The following WFDC1 variants were observed in gnomAD, a reference collection of about 807,000 sequenced individuals.
WFDC1 encodes the protein WAP four-disulfide core domain protein 1.
Under a neutral mutation model 32.9 loss-of-function variants are expected in WFDC1, and 39 were observed. The ratio of observed to expected loss-of-function variants is 1.19; its 90% CI spans 0.92 to 1.55. The LOEUF (loss-of-function observed/expected upper bound fraction) is 1.55. WFDC1 is among the 40% of genes most tolerant of loss of function. The pLI is 0.00. For missense variants in WFDC1, 386 were observed against 309.5 expected (o/e 1.25, Z -1.85); for synonymous variants, 184 against 137.4 (o/e 1.34, Z -2.37).
In WFDC1 at chr16:84,319,527, G is replaced by T; in HGVS notation, c.518G>T (p.Gly173Val). 6 of 1,613,092 alleles carry T rather than the reference G, an allele frequency of 3.7e-6. No individual in the cohort carries two copies. Among genetic ancestry groups the T allele is most frequent in the Non-Finnish European group, 4.2e-6 (5 of 1,179,940 alleles). The part of the protein sequence containing the change: ...HILSPGDVAE[G>V]IPNRGQCVKQ... Reference sequence around the variant, plus strand: ...CTGAGCCCAGGTGACGTGGCCGAAGGTATCCCCAACCGTGGGCAGTGCGTC... The same window carrying T: ...CTGAGCCCAGGTGACGTGGCCGAAGTTATCCCCAACCGTGGGCAGTGCGTC... Residue 173 changes from glycine (G) to valine (V), a missense_variant, in exon 4 of 7, where the codon GGT becomes GTT. Physicochemically the swap from Gly to Val is moderately radical, Grantham distance 109. Transcript: ENST00000219454.
chr16:84,298,386 C>T (rs1906735610), intron 1 of WFDC1, among the ~76,000 whole-genome samples: 1 of 152,166 alleles, frequency 6.6e-6, no homozygotes, highest in South Asian at 2.1e-4. Context: ...TGAGCCACCG[C>T]ACCCAGCCAG....
chr16:84,307,486 A>G (rs929515649), intron 1 of WFDC1, among the ~76,000 whole-genome samples: 1 of 152,180 alleles, frequency 6.6e-6, no homozygotes, highest in Non-Finnish European at 1.5e-5. Context: ...TGTTCTCTCC[A>G]AATTCTGAGA....
chr16:84,311,909 T>C (rs1022022374), intron 1 of WFDC1, among the ~76,000 whole-genome samples: 41 of 152,060 alleles, frequency 2.7e-4, no homozygotes, highest in African/African-American at 8.9e-4. Flanking sequence ...CTCACACCTG[T>C]AATCCCAGCA....
At chr16:84,327,083 AT>A in intron 6 of WFDC1, 128 bp downstream of exon 6, 1 of 894,218 alleles carries the variant, frequency 1.1e-6, no homozygotes, top group Non-Finnish European at 1.8e-6. Context: ...AGAATTTGAA[AT>A]TCCCTTCTGC....
intron 5 of WFDC1, among the ~76,000 whole-genome samples, chr16:84,324,756 C>G (rs1177923065): frequency 1.3e-5 from 2 of 152,130 alleles, no homozygotes; most frequent in Non-Finnish European, 2.9e-5. Context: ...TACCACTCTT[C>G]CATTCATCCA....
At chr16:84,316,235 A>T (rs191948480) in intron 2 of WFDC1, 1 of 152,204 alleles carries the variant, frequency 6.6e-6, no homozygotes, top group Non-Finnish European at 1.5e-5. Context: ...CTGCTGTTCC[A>T]ACTTCCATGT....
At chr16:84,301,198 G>A (rs1235569833) in intron 1 of WFDC1, among the ~76,000 whole-genome samples, 2 of 152,172 alleles carry the variant, frequency 1.3e-5, no homozygotes, top group African/African-American at 4.8e-5. Flanking sequence ...CAGACACCTG[G>A]ATCTCAGCCT....
At chr16:84,326,239 C>G (rs1407604217) in intron 5 of WFDC1, 1 of 152,030 alleles carries the variant, frequency 6.6e-6, no homozygotes, top group Non-Finnish European at 1.5e-5. Context: ...CATCATTTAT[C>G]CATTCACCCA....
intron 1 of WFDC1, chr16:84,295,323 G>A (rs2064040377): frequency 1.7e-6 from 1 of 580,054 alleles, no homozygotes; most frequent in Admixed American, 3.6e-5. Context: ...GAATCAAGAG[G>A]CAAAAGACAC....
At chr16:84,314,335 G>A (rs929288572) in intron 2 of WFDC1, among the ~76,000 whole-genome samples, 1 of 152,178 alleles carries the variant, frequency 6.6e-6, no homozygotes, top group East Asian at 1.9e-4. Context: ...ATGTGCCCTT[G>A]GGTGGGGAAA....
chr16:84,298,552 C>G (rs1567649050), intron 1 of WFDC1, among the ~76,000 whole-genome samples: 1 of 152,190 alleles, frequency 6.6e-6, no homozygotes, highest in Non-Finnish European at 1.5e-5. Context: ...AGTGGCCTCA[C>G]GTGGGTTGCC....
Position 84,318,910 on chromosome 16 carries a change from T to TTG in WFDC1, c.422-490_422-489dup, listed in dbSNP as rs58546650. 109 of 165,698 alleles carry TTG rather than the reference T, an allele frequency of 6.6e-4. 1 individual carries two copies. The highest frequency in any genetic ancestry group is 2.1e-3 in the African/African-American group (85 of 41,406). The allele number at this position is 165,698 out of a possible 1,614,324, so 10.3% of individuals were successfully genotyped here. A position where few individuals can be genotyped will look rare whatever the true frequency, so the allele number is the denominator to read the frequency against. On this transcript the variant is annotated intron_variant, in intron 3 of 6. Transcript: ENST00000219454. ...TGTCCTTGTGCCTGTGGCTGAATAT[T>TTG]TGTGTGTGTGTGTGTGTGTGTGTGT...
At chr16:84,323,994 C>T (rs554800426) in intron 4 of WFDC1, among the ~76,000 whole-genome samples, 9 of 152,300 alleles carry the variant, frequency 5.9e-5, no homozygotes, top group Admixed American at 1.3e-4. Context: ...GTGGCGCATG[C>T]CTGTAATCCC....
At chr16:84,312,869 C>A in intron 1 of WFDC1, 92 bp from the exon 2 acceptor site, 1 of 782,132 alleles carries the variant, frequency 1.3e-6, no homozygotes, top group Middle Eastern at 5.4e-4. Context: ...CTCAGAGAGG[C>A]CCGGCGCACT....
chr16:84,310,616 T>A (rs76806313), intron 1 of WFDC1, among the ~76,000 whole-genome samples: 6,679 of 152,298 alleles, frequency 0.044, 187 homozygotes, highest in Middle Eastern at 0.082. Context: ...TGGTTTCTTG[T>A]GTGATCTTGT....
rs145499544 is a variant in WFDC1, at chr16:84,295,103, C to T, written c.132C>T (p.Ala44=). The change falls in exon 1 of 7, where the codon GCC becomes GCT. Residue 44 remains alanine (A), a synonymous_variant. Coordinates refer to ENST00000219454, the MANE Select transcript of WFDC1 (RefSeq NM_021197.4). ...AACGGGCATTGCCTGCGAGGCTGGC[C>T]GAGAAATCCCGTGTAAGTGCCTGGG... ...IWKRALPARL[A]EKSRAEEAGA... The T allele has an allele frequency of 2.4e-5, 38 of 1,613,784 alleles. No homozygotes were observed. Among genetic ancestry groups the T allele is most frequent in the African/African-American group, 5.3e-5 (4 of 74,938 alleles).
intron 1 of WFDC1, among the ~76,000 whole-genome samples, chr16:84,301,504 T>G (rs1017103522): frequency 1.3e-5 from 2 of 152,192 alleles, no homozygotes; most frequent in East Asian, 3.9e-4. Flanking sequence ...CCTGCGGGAC[T>G]TCATCATCAA....
At chr16:84,301,094 C>T (rs1250710527) in intron 1 of WFDC1, among the ~76,000 whole-genome samples, 1 of 152,044 alleles carries the variant, frequency 6.6e-6, no homozygotes, top group Non-Finnish European at 1.5e-5. Context: ...CATGAGGGAC[C>T]AGAGAACATG....
chr16:84,328,377 G>A (rs1908726094), intron 6 of WFDC1: 1 of 152,190 alleles, frequency 6.6e-6, no homozygotes, highest in African/African-American at 2.4e-5. Context: ...GTGAATGCTG[G>A]ATAGCCACAG....
Sources: allele counts gnomAD v4.1 joint callset (sites outside exome capture counted in the v4.1 genomes callset), GRCh38; gene constraint gnomAD v4.1.1; transcripts MANE v1.5; gene names NCBI Gene and HGNC (gene_info 2026-07-23, HGNC 2026-07-21).